TRAP1: variants seen among roughly 807,000 people sequenced by gnomAD.
The protein encoded by TRAP1 is heat shock protein 75 kDa, mitochondrial.
In TRAP1, 102 loss-of-function variants were observed where a neutral mutation model predicts 89.1. The observed-to-expected ratio is 1.15, with a 90% CI of 0.98 to 1.35. TRAP1 has a LOEUF of 1.35. Ranked by LOEUF, TRAP1 falls within the 40% of genes most tolerant of loss-of-function variation. The pLI is 0.00. For missense variants in TRAP1, 1,256 were observed against 945.3 expected, an observed-to-expected ratio of 1.33 and a Z score of -4.31; for synonymous variants, 508 against 388.0, an observed-to-expected ratio of 1.31 and a Z score of -3.64.
intron 2 of TRAP1, chr16:3,689,573 A>G (rs2051185193): frequency 6.4e-6 from 1 of 155,274 alleles, no homozygotes; most frequent in Admixed American, 6.4e-5. Context: ...ACCATGGCTC[A>G]TGCCTGTAAT....
At position 3,662,015 on chromosome 16, in the gene TRAP1, G is replaced by T. The variant is rs147600197; in HGVS notation, c.1912C>A (p.Leu638Met). The part of the protein sequence containing the change: ...AKTQEERAQL[L>M]QPTLEINPRH... ...GGGTTGATCTCCAGCGTGGGCTGCA[G>T]GAGCTGTGCGCGCTCCTCCTGGGTC... Residue 638 changes from leucine to methionine, a missense_variant, in exon 16 of 18, where the codon CTG becomes ATG. Coordinates refer to ENST00000246957, the MANE Select transcript of TRAP1 (RefSeq NM_016292.3). 368 of 1,611,522 alleles carry T rather than the reference G, an allele frequency of 2.3e-4. No homozygotes were observed. Among genetic ancestry groups the T allele is most frequent in the Non-Finnish European group, 2.9e-4 (340 of 1,179,012 alleles).
intron 1 of TRAP1, among the ~76,000 whole-genome samples, chr16:3,715,255 G>T (rs2051582492): frequency 6.6e-6 from 1 of 152,114 alleles, no homozygotes; most frequent in South Asian, 2.1e-4. Context: ...TGGCTAACAG[G>T]GTGAAACCCC....
intron 1 of TRAP1, among the ~76,000 whole-genome samples, chr16:3,711,668 C>T (rs1443165409): frequency 1.3e-5 from 2 of 151,962 alleles, no homozygotes; most frequent in East Asian, 1.9e-4. Flanking sequence ...AATACTCCCG[C>T]AAGTAGATAC....
intron 1 of TRAP1, among the ~76,000 whole-genome samples, chr16:3,703,020 G>A (rs1474765019): frequency 2.8e-5 from 3 of 106,892 alleles, no homozygotes; most frequent in Non-Finnish European, 5.2e-5. Context: ...CCAGCCTGGA[G>A]AACAAGAGTG....
chr16:3,676,567 G>A (rs552426658), intron 6 of TRAP1: 10 of 156,736 alleles, frequency 6.4e-5, no homozygotes, highest in Middle Eastern at 6.7e-3. Context: ...AAGCACAGGA[G>A]GGGGGAATCC....
chr16:3,676,018 G>GCCCGGGCTCCCGCTCACCTCGCA lies in TRAP1; in HGVS notation c.809_814+17dup. 1 of 1,603,624 alleles carries GCCCGGGCTCCCGCTCACCTCGCA rather than the reference G, an allele frequency of 6.2e-7. No homozygotes were observed. The highest frequency in any genetic ancestry group is 8.5e-7 in the Non-Finnish European group (1 of 1,173,532). ...CACATGGATCCCAGAGTGAGCCTGGGCCCGGGCTCCCGCTCACCTCGCACC... is the reference window on the plus strand; with the variant it reads ...CACATGGATCCCAGAGTGAGCCTGGGCCCGGGCTCCCGCTCACCTCGCACCCGGGCTCCCGCTCACCTCGCACC... On this transcript the variant is annotated intron_variant, in intron 7 of 17. Transcript: ENST00000246957.
chr16:3,691,334 C>T (rs2051211606), intron 1 of TRAP1, among the ~76,000 whole-genome samples: 3 of 152,194 alleles, frequency 2.0e-5, no homozygotes, highest in East Asian at 1.9e-4. Context: ...CTCCTGCCTC[C>T]GCCTCACGAG....
At chr16:3,694,911 C>G (rs79213162) in intron 1 of TRAP1, among the ~76,000 whole-genome samples, 7,312 of 152,276 alleles carry the variant, frequency 0.048, 200 homozygotes, top group Admixed American at 0.063. Context: ...CAAGGTGCCA[C>G]TAGGGCTGGT....
At chr16:3,682,168 C>A (rs940766276) in intron 4 of TRAP1, among the ~76,000 whole-genome samples, 1 of 152,052 alleles carries the variant, frequency 6.6e-6, no homozygotes, top group African/African-American at 2.4e-5. Context: ...AAAACATAAA[C>A]CTCAAGCCCT....
intron 4 of TRAP1, among the ~76,000 whole-genome samples, chr16:3,685,713 A>G (rs1366075560): frequency 6.6e-6 from 1 of 152,234 alleles, no homozygotes; most frequent in East Asian, 1.9e-4. Context: ...AGATATGTTA[A>G]TACCTGCATA....
Position 3,662,409 on chromosome 16 carries a change from C to G in TRAP1, c.1795-277G>C. On this transcript the variant is annotated intron_variant, in intron 15 of 17. Transcript: ENST00000246957. ...GAATCCATCGTCCTCTGCTCCATGC[C>G]AGCCCACCCTGCATGAGGCCCCTTC... The G allele has an allele frequency of 5.3e-6, 3 of 569,054 alleles. No homozygotes were observed. In the South Asian group the frequency reaches 6.2e-5, roughly 12 times the overall value. 35.3% of individuals were successfully genotyped at this position (569,054 alleles called of 1,614,324 possible).
At chr16:3,672,580 G>A in intron 10 of TRAP1, 120 bp downstream of exon 10, 1 of 1,427,304 alleles carries the variant, frequency 7.0e-7, no homozygotes, top group Non-Finnish European at 9.2e-7. Context: ...GGCAGCGCAG[G>A]CCGACGGCGG....
At chr16:3,664,795 G>C (rs2050790448) in intron 12 of TRAP1, 1 of 266,044 alleles carries the variant, frequency 3.8e-6, no homozygotes, top group Non-Finnish European at 7.2e-6. Context: ...CTCAGTGACA[G>C]AGTCAGTCTC....
chr16:3,659,342 C>CAGCA (rs2042929355), intron 16 of TRAP1: 1 of 153,046 alleles, frequency 6.5e-6, no homozygotes, highest in Non-Finnish European at 1.5e-5. Flanking sequence ...CTCCATCCAG[C>CAGCA]AGCACTGGGA....
At position 3,703,709 on chromosome 16, in the gene TRAP1, C is replaced by G. The variant is rs538849188; in HGVS notation, c.89-12724G>C. On this transcript the variant is annotated intron_variant, in intron 1 of 17. Coordinates refer to ENST00000246957, the MANE Select transcript of TRAP1 (RefSeq NM_016292.3). The stretch of plus-strand genomic sequence containing the variant: ...AATAATCTACAAAATAAATACCCTA[C>G]TTATAAAACTATTTACAAAAGTTAG... 1.4e-4 allele frequency among the ~76,000 whole-genome samples: 22 copies of G among 152,094 alleles called. 1 individual carries two copies. Among genetic ancestry groups the G allele is most frequent in the African/African-American group, 5.1e-4 (21 of 41,366 alleles).
intron 1 of TRAP1, among the ~76,000 whole-genome samples, chr16:3,715,261 AC>A (rs2051582629): frequency 1.3e-5 from 2 of 152,116 alleles, no homozygotes; most frequent in South Asian, 4.1e-4. Context: ...ACAGGGTGAA[AC>A]CCCGTCTCTA....
intron 4 of TRAP1, among the ~76,000 whole-genome samples, chr16:3,683,973 C>T (rs1224820286): frequency 1.3e-5 from 2 of 151,996 alleles, no homozygotes; most frequent in Non-Finnish European, 2.9e-5. Flanking sequence ...TGAGACCAGC[C>T]TGACCAACAT....
At position 3,669,832 on chromosome 16, in the gene TRAP1, CAAAAAAAAA is replaced by C. The variant is rs59256364; in HGVS notation, c.1235+1881_1235+1889del. ...TGGGCAACAGACCAAGACTCCGTCT[CAAAAAAAAA>C]AAAAAAAAAAAAAAAAAAAGATTTC... On this transcript the variant is annotated intron_variant, in intron 11 of 17. Transcript: ENST00000246957. Among the ~76,000 whole-genome samples the C allele has an allele frequency of 4.4e-3, 288 of 66,134 alleles. 6 individuals carry two copies. The highest frequency in any genetic ancestry group is 0.013 in the East Asian group (32 of 2,406). The allele number at this position is 66,134 out of a possible 152,430, so 43.4% of individuals were successfully genotyped here.
intron 1 of TRAP1, among the ~76,000 whole-genome samples, chr16:3,716,643 C>G (rs2051601134): frequency 6.6e-6 from 1 of 152,118 alleles, no homozygotes; most frequent in Non-Finnish European, 1.5e-5. Flanking sequence ...ATAAAAAATA[C>G]TTATACGCAG....
Sources: allele counts gnomAD v4.1 joint callset (sites outside exome capture counted in the v4.1 genomes callset), GRCh38; gene constraint gnomAD v4.1.1; transcripts MANE v1.5; gene names NCBI Gene and HGNC (gene_info 2026-07-23, HGNC 2026-07-21).